The following RAB3D variants were observed in gnomAD, a reference collection of about 807,000 sequenced individuals.
RAB3D encodes ras-related protein Rab-3D.
RAB3D carries 17 observed loss-of-function variants against 19.3 expected under a neutral mutation model. That is an observed-to-expected ratio of 0.88 (90% CI 0.60 to 1.32). The LOEUF is 1.32. Ranked by LOEUF, RAB3D falls within the 40% of genes most tolerant of loss-of-function variation. RAB3D has a pLI of 0.00. For missense variants in RAB3D, 223 were observed against 299.1 expected (o/e 0.75, Z 1.88); for synonymous variants, 103 against 119.9 (o/e 0.86, Z 0.92).
intron 4 of RAB3D, among the ~76,000 whole-genome samples, chr19:11,334,338 G>A (rs912715915): frequency 1.3e-5 from 2 of 152,016 alleles, no homozygotes; most frequent in African/African-American, 2.4e-5. Flanking sequence ...GGCATGCTGC[G>A]CACACCTGTA....
At chr19:11,326,819 A>T (rs2080816239) in intron 4 of RAB3D, 1 of 685,350 alleles carries the variant, frequency 1.5e-6, no homozygotes, top group Non-Finnish European at 2.6e-6. Context: ...TATGTTGCGC[A>T]GGCTGGTCTT....
chr19:11,332,001 A>G (rs868705858), intron 4 of RAB3D, among the ~76,000 whole-genome samples: 8 of 152,236 alleles, frequency 5.3e-5, no homozygotes, highest in African/African-American at 1.9e-4. Flanking sequence ...ATGTTTTATC[A>G]AAGTCTATTA....
chr19:11,325,446 C>T lies in RAB3D; in HGVS notation c.612G>A (p.Pro204=), dbSNP rs146422241. 6,105 of 1,609,258 alleles carry T rather than the reference C, an allele frequency of 3.8e-3. 29 individuals carry two copies. Among genetic ancestry groups the T allele is most frequent in the Non-Finnish European group, 4.3e-3 (5,093 of 1,179,896 alleles). ...SSSSGSNGKG[P]AVGDAPAPQP... ...GGGGGGCTGGAGCATCCCCCACGGC[C>T]GGGCCTTTCCCGTTGCTGCCTGAGC... The change falls in exon 5 of 5, where the codon CCG becomes CCA. Residue 204 remains proline (P), a synonymous_variant. Transcript: ENST00000222120.
At chr19:11,336,692 G>A (rs1966898028) in intron 2 of RAB3D, among the ~76,000 whole-genome samples, 3 of 150,264 alleles carry the variant, frequency 2.0e-5, no homozygotes, top group Non-Finnish European at 3.0e-5. Flanking sequence ...GCCAGGCACA[G>A]TATTACAGTG....
intron 4 of RAB3D, among the ~76,000 whole-genome samples, chr19:11,332,331 C>T (rs755951892): frequency 1.3e-4 from 20 of 152,102 alleles, no homozygotes; most frequent in Non-Finnish European, 2.4e-4. Flanking sequence ...CACGCCTGGC[C>T]GAACATTTCT....
intron 4 of RAB3D, among the ~76,000 whole-genome samples, chr19:11,326,392 A>G (rs1468419732): frequency 6.6e-6 from 1 of 152,142 alleles, no homozygotes; most frequent in African/African-American, 2.4e-5. Context: ...AAAACAAAAC[A>G]AAACGAAACC....
rs1018402409 is a variant in RAB3D at position 11,324,160 on chromosome 19, C to T, written c.*1238G>A. ...CTCCTCACCCCTTCCGCCCAACCCCCAGCATCCCTTAGAAGTGACCCCTAG... is the reference window on the plus strand; with the variant it reads ...CTCCTCACCCCTTCCGCCCAACCCCTAGCATCCCTTAGAAGTGACCCCTAG... On this transcript the variant is annotated 3_prime_UTR_variant, in exon 5 of 5. Transcript: ENST00000222120. The T allele has an allele frequency of 2.6e-5, 4 of 152,156 alleles. No homozygotes were observed. Among genetic ancestry groups the T allele is most frequent in the African/African-American group, 9.7e-5 (4 of 41,350 alleles). The allele number at this position is 152,156 out of a possible 1,614,324, so 9.4% of individuals were successfully genotyped here. A position where few individuals can be genotyped will look rare whatever the true frequency, so the allele number is the denominator to read the frequency against.
At chr19:11,338,585 C>A (rs555785879) in intron 1 of RAB3D, among the ~76,000 whole-genome samples, 1 of 152,264 alleles carries the variant, frequency 6.6e-6, no homozygotes, top group South Asian at 2.1e-4. Context: ...AGTTCTACCC[C>A]CTAAATGGGT....
chr19:11,332,795 A>T (rs1160868586), intron 4 of RAB3D, among the ~76,000 whole-genome samples: 8 of 152,076 alleles, frequency 5.3e-5, no homozygotes, highest in South Asian at 4.2e-4. Flanking sequence ...TTATTTTTTT[A>T]AAAAAGTGTA....
Position 11,335,449 on chromosome 19 carries a change from A to C in RAB3D, c.470T>G (p.Leu157Arg). ...TGTGGCCCAGGCTGGGCACTAACCAAGGTCGTCGGCGAGCCTCCGGCCATC... is the reference window on the plus strand; with the variant it reads ...TGTGGCCCAGGCTGGGCACTAACCACGGTCGTCGGCGAGCCTCCGGCCATC... ...AEDGRRLADD[L>R]GFEFFEASAK... The change falls in exon 4 of 5, where the codon CTT becomes CGT. Residue 157 changes from leucine to arginine, a missense_variant and splice_region_variant. Transcript: ENST00000222120. 6.2e-7 allele frequency: 1 copy of C among 1,614,108 alleles called. No homozygotes were observed. Among genetic ancestry groups the C allele is most frequent in the Non-Finnish European group, 8.5e-7 (1 of 1,179,998 alleles).
chr19:11,331,831 C>T (rs969691814), intron 4 of RAB3D, among the ~76,000 whole-genome samples: 2 of 151,648 alleles, frequency 1.3e-5, no homozygotes, highest in Admixed American at 6.6e-5. Flanking sequence ...AAAACGACGA[C>T]GACAACAAAA....
At chr19:11,335,332 T>C in intron 4 of RAB3D, 115 bp downstream of exon 4, 1 of 1,447,630 alleles carries the variant, frequency 6.9e-7, no homozygotes, top group Non-Finnish European at 9.4e-7. Flanking sequence ...CACATGGGTA[T>C]CTTCCTGGGC....
Position 11,325,447 on chromosome 19 carries a change from G to A in RAB3D, c.611C>T (p.Pro204Leu), listed in dbSNP as rs540521854. ...GGGGGCTGGAGCATCCCCCACGGCC[G>A]GGCCTTTCCCGTTGCTGCCTGAGCT... ...SSSSGSNGKG[P>L]AVGDAPAPQP... The change falls in exon 5 of 5, where the codon CCG (proline) becomes CTG (leucine). Residue 204 changes from proline to leucine, a missense_variant. By Grantham distance (98) the Pro-to-Leu change is moderately conservative (BLOSUM62 -3). Transcript: ENST00000222120. 24 of 1,609,552 alleles carry A rather than the reference G, an allele frequency of 1.5e-5. No homozygotes were observed. Among genetic ancestry groups the A allele is most frequent in the African/African-American group, 2.7e-5 (2 of 74,988 alleles).
chr19:11,330,289 T>C (rs1331739789), intron 4 of RAB3D, among the ~76,000 whole-genome samples: 29 of 152,242 alleles, frequency 1.9e-4, no homozygotes, highest in Admixed American at 1.9e-3. Context: ...TTCTGGGTCA[T>C]ATGGTCTCTG....
chr19:11,331,769 C>T (rs2080836296), intron 4 of RAB3D, among the ~76,000 whole-genome samples: 1 of 151,394 alleles, frequency 6.6e-6, no homozygotes, highest in Non-Finnish European at 1.5e-5. Flanking sequence ...TGGGATCACA[C>T]CACTGTACTC....
chr19:11,336,853 C>G (rs1009070193), intron 2 of RAB3D, among the ~76,000 whole-genome samples: 1 of 151,596 alleles, frequency 6.6e-6, no homozygotes, highest in Non-Finnish European at 1.5e-5. Flanking sequence ...ACCTGTAATC[C>G]CAGCTACTCG....
rs776943814 is a variant in RAB3D at position 11,324,843 on chromosome 19, G to C, written c.*555C>G. 6.6e-6 allele frequency: 1 copy of C among 152,562 alleles called. No homozygotes were observed. The highest frequency in any genetic ancestry group is 6.5e-5 in the Admixed American group (1 of 15,282). The allele number at this position is 152,562 out of a possible 1,614,324, so 9.5% of individuals were successfully genotyped here. On this transcript the variant is annotated 3_prime_UTR_variant, in exon 5 of 5. Coordinates refer to ENST00000222120, the MANE Select transcript of RAB3D (RefSeq NM_004283.4). ...CTTTTCGCAAGTAGAGGGTCTGCAG[G>C]GGTCAAAGGGATCACCATCCCACCT...
intron 4 of RAB3D, among the ~76,000 whole-genome samples, chr19:11,328,483 C>T (rs1048880953): frequency 6.6e-6 from 1 of 151,958 alleles, no homozygotes; most frequent in African/African-American, 2.4e-5. Flanking sequence ...CCCGTCTCTA[C>T]TAAAAATACA....
At chr19:11,327,822 C>A (rs1487997344) in intron 4 of RAB3D, among the ~76,000 whole-genome samples, 3 of 151,848 alleles carry the variant, frequency 2.0e-5, no homozygotes, top group Non-Finnish European at 4.4e-5. Flanking sequence ...ATAGGGAGAC[C>A]CTGTCTCTAA....
Sources: gnomAD v4.1 joint callset for allele counts (sites outside exome capture counted in the v4.1 genomes callset) on GRCh38, gnomAD v4.1.1 for gene constraint, MANE v1.5 for transcripts, NCBI Gene and HGNC (gene_info 2026-07-23, HGNC 2026-07-21) for gene names.